Variants in PGR observed in about 807,000 individuals in gnomAD.
The protein encoded by PGR is nuclear receptor subfamily 3 group C member 3.
In PGR, 25 loss-of-function variants were observed where a neutral mutation model predicts 76.1. The observed-to-expected ratio is 0.33, with a 90% CI of 0.24 to 0.46. PGR has a LOEUF of 0.46. Ranked by LOEUF, PGR falls within the 20% of genes least tolerant of loss-of-function variation. The probability of loss-of-function intolerance (pLI) is 1.00; values close to 1 mark genes in which losing one functional copy is unlikely to be tolerated. For missense variants in PGR, 1,172 were observed against 1,225.3 expected (o/e 0.96, Z 0.65); for synonymous variants, 579 against 535.0 (o/e 1.08, Z -1.14).
rs945897249 is a variant in PGR, at chr11:101,038,689, G to C, written c.*427C>G. The C allele has an allele frequency of 4.3e-6, 1 of 232,226 alleles. No homozygotes were observed. The highest frequency in any genetic ancestry group is 8.5e-6 in the Non-Finnish European group (1 of 117,614). 14.4% of individuals were successfully genotyped at this position (232,226 alleles called of 1,614,324 possible). On this transcript the variant is annotated 3_prime_UTR_variant, in exon 8 of 8. Transcript: ENST00000325455. ...CAAAATTTTGCATACCATTTTAAAG[G>C]TTCATTTTTGGAAATATAATTGACA...
At chr11:101,078,001 C>T (rs2135434836) in intron 3 of PGR, among the ~76,000 whole-genome samples, 1 of 152,302 alleles carries the variant, frequency 6.6e-6, no homozygotes, top group Non-Finnish European at 1.5e-5. Flanking sequence ...CTCTGTACTT[C>T]TAGAAAAGAT....
At chr11:101,055,871 A>G (rs919426430) in intron 4 of PGR, among the ~76,000 whole-genome samples, 1 of 152,160 alleles carries the variant, frequency 6.6e-6, no homozygotes, top group African/African-American at 2.4e-5. Flanking sequence ...AAATCTTATT[A>G]CAATAACTTT....
chr11:101,097,106 A>G (rs1861857748), intron 2 of PGR, among the ~76,000 whole-genome samples: 2 of 152,154 alleles, frequency 1.3e-5, no homozygotes, highest in African/African-American at 4.8e-5. Context: ...ATAGAGCACT[A>G]TGCTTCTTTC....
In PGR at chr11:101,085,367, T is replaced by TA. The variant is rs57854947; in HGVS notation, c.1906+6392dup. Among the ~76,000 whole-genome samples, 1,166 of 150,028 alleles carry TA rather than the reference T, an allele frequency of 7.8e-3. 50 individuals are homozygous for TA. The highest frequency in any genetic ancestry group is 0.062 in the Admixed American group (941 of 15,148). On this transcript the variant is annotated intron_variant, in intron 3 of 7. Coordinates refer to ENST00000325455, the MANE Select transcript of PGR (RefSeq NM_000926.4). ...GTAAACAATAAAATCAAGGCAGAAA[T>TA]AAAAAAAAATTAAAATAAATGAAAA...
chr11:101,114,342 T>C (rs925833071), intron 2 of PGR, among the ~76,000 whole-genome samples: 2 of 152,214 alleles, frequency 1.3e-5, no homozygotes, highest in Non-Finnish European at 2.9e-5. Flanking sequence ...AAAACGGCAT[T>C]ATTTTTGGTA....
intron 3 of PGR, among the ~76,000 whole-genome samples, chr11:101,069,417 G>A (rs1030328170): frequency 4.6e-5 from 7 of 152,146 alleles, no homozygotes; most frequent in Non-Finnish European, 7.4e-5. Flanking sequence ...TGGTGGGAGT[G>A]TAAATTAGTT....
At chr11:101,051,318 A>C (rs1860081867) in intron 5 of PGR, 106 bp downstream of exon 5, 1 of 760,656 alleles carries the variant, frequency 1.3e-6, no homozygotes, top group African/African-American at 1.7e-5. Context: ...CAGTAATGTC[A>C]TCATATCAAG....
Position 101,129,379 on chromosome 11 carries a change from A to G in PGR, c.-309T>C. On this transcript the variant is annotated 5_prime_UTR_variant, in exon 1 of 8. Coordinates refer to ENST00000325455, the MANE Select transcript of PGR (RefSeq NM_000926.4). ...GTCTCCTAACTCGGGGAGTTCTCCA[A>G]GAGAGTTCTCCAACTTCTGTCCGAG... The G allele has an allele frequency of 5.7e-6, 2 of 352,514 alleles. No individual in the cohort carries two copies. The allele number at this position is 352,514 out of a possible 1,614,324, so 21.8% of individuals were successfully genotyped here. A position where few individuals can be genotyped will look rare whatever the true frequency, so the allele number is the denominator to read the frequency against.
intron 4 of PGR, among the ~76,000 whole-genome samples, chr11:101,055,667 T>C (rs1430789844): frequency 6.6e-6 from 1 of 152,168 alleles, no homozygotes; most frequent in Non-Finnish European, 1.5e-5. Flanking sequence ...GTTTTAAACA[T>C]TTAAACATTT....
chr11:101,044,699 G>GC (rs1859803547), intron 6 of PGR, among the ~76,000 whole-genome samples: 1 of 105,956 alleles, frequency 9.4e-6, no homozygotes, highest in Non-Finnish European at 1.8e-5. Flanking sequence ...TGGCCTAATT[G>GC]CTTTTTTTTT....
chr11:101,102,255 T>C (rs1375168211), intron 2 of PGR, among the ~76,000 whole-genome samples: 2 of 152,220 alleles, frequency 1.3e-5, no homozygotes, highest in Non-Finnish European at 1.5e-5. Context: ...TAGCTGAATA[T>C]TAGAATTGTT....
intron 3 of PGR, among the ~76,000 whole-genome samples, chr11:101,074,614 G>A (rs1861059520): frequency 6.6e-6 from 1 of 152,138 alleles, no homozygotes; most frequent in South Asian, 2.1e-4. Context: ...AAGCTGATAA[G>A]CAACTTCAGT....
chr11:101,127,384 G>A (rs1394593407), intron 1 of PGR, 50 bp downstream of exon 1: 3 of 1,382,832 alleles, frequency 2.2e-6, no homozygotes, highest in South Asian at 2.8e-5. Context: ...CGCCGCCAAC[G>A]GAACCGCTAC....
chr11:101,043,798 T>C (rs535362), intron 6 of PGR, among the ~76,000 whole-genome samples: 42,861 of 152,062 alleles, frequency 0.28, 6,370 homozygotes, highest in African/African-American at 0.39. Flanking sequence ...TATTTGAAAG[T>C]AGTATTCTTT....
At chr11:101,103,683 A>G (rs888661336) in intron 2 of PGR, among the ~76,000 whole-genome samples, 1 of 152,104 alleles carries the variant, frequency 6.6e-6, no homozygotes, top group Non-Finnish European at 1.5e-5. Context: ...TGTCAACCCA[A>G]TTTTTATGTC....
chr11:101,114,283 C>T (rs566351), intron 2 of PGR, among the ~76,000 whole-genome samples: 86,950 of 151,910 alleles, frequency 0.57, 25,639 homozygotes, highest in Non-Finnish European at 0.64. Context: ...AAGTTATGAA[C>T]TTGGCTCATC....
chr11:101,094,138 C>CA (rs983238972), intron 2 of PGR, among the ~76,000 whole-genome samples: 3 of 152,152 alleles, frequency 2.0e-5, no homozygotes, highest in Non-Finnish European at 2.9e-5. Flanking sequence ...GTTCCAGCAC[C>CA]AAAAAAAGGA....
Position 101,082,236 on chromosome 11 carries a change from A to G in PGR, c.1906+9524T>C, listed in dbSNP as rs143148238. On this transcript the variant is annotated intron_variant, in intron 3 of 7. Transcript: ENST00000325455. The stretch of plus-strand genomic sequence containing the variant: ...GACCTCCTAGCTATGCTTCCTGTTA[A>G]GCCTGCAGAACTGTGAGTCAGTTAA... Among the ~76,000 whole-genome samples, 706 of 152,256 alleles carry G rather than the reference A, an allele frequency of 4.6e-3. 10 individuals are homozygous for G. The highest frequency in any genetic ancestry group is 0.016 in the African/African-American group (652 of 41,552).
intron 6 of PGR, among the ~76,000 whole-genome samples, chr11:101,049,718 G>C (rs1162823638): frequency 1.3e-5 from 2 of 152,088 alleles, no homozygotes; most frequent in East Asian, 3.9e-4. Flanking sequence ...AAAAGAAATT[G>C]ATGAGGCTAT....
Sources: allele counts gnomAD v4.1 joint callset (sites outside exome capture counted in the v4.1 genomes callset), GRCh38; gene constraint gnomAD v4.1.1; transcripts MANE v1.5; gene names NCBI Gene and HGNC (gene_info 2026-07-23, HGNC 2026-07-21).